ANKAR: variants seen among roughly 807,000 people sequenced by gnomAD.
The protein encoded by ANKAR is ankyrin and armadillo repeat-containing protein.
In ANKAR, 136 loss-of-function variants were observed where a neutral mutation model predicts 146.2. The ratio of observed to expected loss-of-function variants is 0.93; its 90% CI spans 0.81 to 1.07. ANKAR has a LOEUF of 1.07. Ranked by LOEUF, ANKAR falls within the 50% of genes least tolerant of loss-of-function variation. The pLI, the probability that ANKAR is intolerant of heterozygous loss-of-function variation, is 0.00. For synonymous variants in ANKAR, 500 were observed against 575.8 expected, an observed-to-expected ratio of 0.87 and a Z score of 1.88; for missense variants, 1,567 against 1,679.9, an observed-to-expected ratio of 0.93 and a Z score of 1.18.
In ANKAR at chr2:189,725,279, T is replaced by TACACACACACAC. The variant is rs10546393; in HGVS notation, c.2636-2551_2636-2540dup. ...TACATATTTTATATATATGGATTTATACACACACACACACACACACACACA... is the reference window on the plus strand; with the variant it reads ...TACATATTTTATATATATGGATTTATACACACACACACACACACACACACACACACACACACA... On this transcript the variant is annotated intron_variant, in intron 12 of 22. Coordinates refer to ENST00000684021, the MANE Select transcript of ANKAR (RefSeq NM_001378068.1). 2.5e-3 allele frequency among the ~76,000 whole-genome samples: 373 copies of TACACACACACAC among 146,556 alleles called. 2 individuals are homozygous for TACACACACACAC. The highest frequency in any genetic ancestry group is 7.8e-3 in the South Asian group (36 of 4,594).
At chr2:189,727,412 G>C (rs1330296585) in intron 12 of ANKAR, among the ~76,000 whole-genome samples, 1 of 151,486 alleles carries the variant, frequency 6.6e-6, no homozygotes, top group Non-Finnish European at 1.5e-5. Context: ...GTGCACACCT[G>C]TAGTCCCAGC....
chr2:189,746,270 C>T, intron 22 of ANKAR, 110 bp from the exon 23 acceptor site: 1 of 1,294,064 alleles, frequency 7.7e-7, no homozygotes, highest in Non-Finnish European at 1.1e-6. Flanking sequence ...CTGATCTGTT[C>T]TCTTAGTATG....
At chr2:189,715,148 G>C (rs1360362584) in intron 10 of ANKAR, among the ~76,000 whole-genome samples, 5 of 151,982 alleles carry the variant, frequency 3.3e-5, no homozygotes, top group Non-Finnish European at 7.4e-5. Context: ...ATGAATCCAG[G>C]AGCTGGTTTG....
rs749797123 is a variant in ANKAR at position 189,737,696 on chromosome 2, G to C, written c.3437G>C (p.Arg1146Thr). The change falls in exon 18 of 23, where the codon AGA (arginine) becomes ACA (threonine). Residue 1146 changes from arginine (R) to threonine (T), a missense_variant. By Grantham distance (71) the Arg-to-Thr change is moderately conservative. Transcript: ENST00000684021. ...TCCTATTTTTAGGATATTTGCTTAA[G>C]AGCAGGCTATGCATTAACACTTTTT... ...LHSTEKDICL[R>T]AGYALTLFAF... 6.3e-7 allele frequency: 1 copy of C among 1,589,466 alleles called. No homozygotes were observed.
chr2:189,762,923 A>G (rs913737632), downstream of ANKAR: 9 of 985,222 alleles, frequency 9.1e-6, no homozygotes, highest in African/African-American at 1.6e-4. Context: ...CATTTCCCCC[A>G]GATTTGCAGG....
intron 10 of ANKAR, among the ~76,000 whole-genome samples, chr2:189,714,273 C>T (rs1166683381): frequency 1.3e-5 from 2 of 152,182 alleles, no homozygotes; most frequent in Non-Finnish European, 2.9e-5. Context: ...TAATAGACAT[C>T]CACAGAACTC....
At position 189,677,111 on chromosome 2, in the gene ANKAR, C is replaced by A. The variant is rs766090513; in HGVS notation, c.601+20C>A. 5.7e-6 allele frequency: 8 copies of A among 1,412,498 alleles called. No individual in the cohort carries two copies. The highest frequency in any genetic ancestry group is 3.1e-5 in the South Asian group (2 of 65,194). 87.5% of individuals were successfully genotyped at this position (1,412,498 alleles called of 1,614,324 possible). ...CAGCAGGTAAGAGAATTTAACACTT[C>A]TTAAATTTTTTTTTTTTTTTTTTGG... On this transcript the variant is annotated intron_variant, in intron 2 of 22. Coordinates refer to ENST00000684021, the MANE Select transcript of ANKAR (RefSeq NM_001378068.1).
In ANKAR at chr2:189,676,996, C is replaced by T; in HGVS notation, c.506C>T (p.Ala169Val). The T allele has an allele frequency of 1.2e-6, 2 of 1,613,470 alleles. No homozygotes were observed. Among genetic ancestry groups the T allele is most frequent in the South Asian group, 2.2e-5 (2 of 91,032 alleles). The change falls in exon 2 of 23, where the codon GCT (alanine) becomes GTT (valine). Residue 169 changes from alanine to valine, a missense_variant. Physicochemically the swap from Ala to Val is moderately conservative, Grantham distance 64 (BLOSUM62 0). Coordinates refer to ENST00000684021, the MANE Select transcript of ANKAR (RefSeq NM_001378068.1). ...ATATATATGCCCAAAGAAAAACGAG[C>T]TAGATTCTCTGAATTGTGGCGTGCC... Reference protein sequence around the residue: ...HGIYMPKEKRARFSELWRAIM... With the variant: ...HGIYMPKEKRVRFSELWRAIM...
chr2:189,737,845 T>A lies in ANKAR; in HGVS notation c.3582+4T>A, dbSNP rs2042989715. 6.5e-7 allele frequency: 1 copy of A among 1,538,646 alleles called. No homozygotes were observed. The highest frequency in any genetic ancestry group is 8.7e-7 in the Non-Finnish European group (1 of 1,150,960). Reference sequence around the variant, plus strand: ...GAAGGCAATGGCAGCATTTCAGGTATAAAATTGAGATTAACACCTCAAATT... The same window carrying A: ...GAAGGCAATGGCAGCATTTCAGGTAAAAAATTGAGATTAACACCTCAAATT... On this transcript the variant is annotated splice_donor_region_variant and intron_variant, in intron 18 of 22. Transcript: ENST00000684021.
chr2:189,726,344 G>T (rs1034174906), intron 12 of ANKAR, among the ~76,000 whole-genome samples: 6 of 152,024 alleles, frequency 3.9e-5, no homozygotes, highest in African/African-American at 1.2e-4. Flanking sequence ...AAATGAGGTT[G>T]CTATGTTGCC....
At chr2:189,761,591 C>T, downstream of ANKAR, 1 of 1,608,952 alleles carries the variant, frequency 6.2e-7, no homozygotes, top group Non-Finnish European at 8.5e-7. Context: ...ATAAACTTTC[C>T]TTTTTGATGG....
intron 10 of ANKAR, among the ~76,000 whole-genome samples, chr2:189,717,809 C>T (rs1327002093): frequency 6.6e-6 from 1 of 152,180 alleles, no homozygotes; most frequent in East Asian, 1.9e-4. Flanking sequence ...ACGCTGGAAA[C>T]CATCATTCTG....
intron 17 of ANKAR, among the ~76,000 whole-genome samples, chr2:189,736,072 C>A (rs2042809823): frequency 6.6e-6 from 1 of 152,146 alleles, no homozygotes. Context: ...AAACACATGT[C>A]TTTCCTCAAG....
intron 11 of ANKAR, 94 bp downstream of exon 11, chr2:189,719,907 A>C (rs2041030249): frequency 2.4e-5 from 31 of 1,303,272 alleles, no homozygotes; most frequent in Non-Finnish European, 3.2e-5. Flanking sequence ...ATTCAGTGAC[A>C]AAACTCTCAG....
chr2:189,734,793 A>G (rs886154120), intron 17 of ANKAR, among the ~76,000 whole-genome samples: 1 of 152,026 alleles, frequency 6.6e-6, no homozygotes, highest in African/African-American at 2.4e-5. Flanking sequence ...GTGAAACCCC[A>G]TCTCTACTAA....
In ANKAR at chr2:189,676,661, C is replaced by T; in HGVS notation, c.171C>T (p.Ala57=). 1 of 1,614,066 alleles carries T rather than the reference C, an allele frequency of 6.2e-7. No homozygotes were observed. The highest frequency in any genetic ancestry group is 8.5e-7 in the Non-Finnish European group (1 of 1,180,030). ...CTGCACTAGTTAGCTGGTTGTCTGC[C>T]AAAGAGGATGTGCGCTCTCAAGTAG... ...LTTALVSWLS[A]KEDVRSQVDL... is the part of the protein sequence containing the mutation. Residue 57 remains alanine (A), a synonymous_variant, in exon 2 of 23, where the codon GCC becomes GCT. Transcript: ENST00000684021.
intron 18 of ANKAR, among the ~76,000 whole-genome samples, chr2:189,756,381 T>C (rs1233862850): frequency 6.6e-6 from 1 of 152,146 alleles, no homozygotes; most frequent in Non-Finnish European, 1.5e-5. Flanking sequence ...AGCAATAAAA[T>C]AGAGTCTGCA....
At chr2:189,696,113 C>G (rs1373731673) in intron 6 of ANKAR, 37 bp from the exon 7 acceptor site, 2 of 1,593,458 alleles carry the variant, frequency 1.3e-6, no homozygotes, top group Non-Finnish European at 1.7e-6. Context: ...ACTTTAGGTG[C>G]ATTTTGATAA....
At chr2:189,710,081 T>A (rs1165340758) in intron 9 of ANKAR, among the ~76,000 whole-genome samples, 1 of 152,138 alleles carries the variant, frequency 6.6e-6, no homozygotes, top group Non-Finnish European at 1.5e-5. Flanking sequence ...AAAAATCAGT[T>A]TATTAGAGGT....
Sources: allele counts gnomAD v4.1 joint callset (sites outside exome capture counted in the v4.1 genomes callset), GRCh38; gene constraint gnomAD v4.1.1; transcripts MANE v1.5; gene names NCBI Gene and HGNC (gene_info 2026-07-23, HGNC 2026-07-21).